The following DCDC2C variants were observed in gnomAD, a reference collection of about 807,000 sequenced individuals.
The protein encoded by DCDC2C is doublecortin domain containing 2C, also known as doublecortin domain-containing protein 2C.
In DCDC2C, 44 loss-of-function variants were observed where a neutral mutation model predicts 45.0. That is an observed-to-expected ratio of 0.98 (90% confidence interval 0.77 to 1.26). The LOEUF (loss-of-function observed/expected upper bound fraction) is 1.26, where lower values mean the gene tolerates loss of function less well. DCDC2C is among the 50% of genes most tolerant of loss of function. The pLI is 0.00. For missense variants in DCDC2C, 447 were observed against 468.9 expected (o/e 0.95, Z 0.43); for synonymous variants, 187 against 178.8 (o/e 1.05, Z -0.37).
rs117013170 is a variant in DCDC2C, at chr2:3,772,793, T to A, written c.954+3382T>A. Among the ~76,000 whole-genome samples the A allele has an allele frequency of 7.2e-5, 11 of 152,346 alleles. No homozygotes were observed. The East Asian group carries it at 1.2e-3, about 16-fold the overall frequency. On this transcript the variant is annotated intron_variant, in intron 8 of 10. Transcript: ENST00000399143. ...CTCCAGCTTCTGTCACCTGGGTCTC[T>A]ATCAACGGACACAGGGCTTTCTGCA...
chr2:3,798,248 T>C lies in DCDC2C; in HGVS notation c.1065+13148T>C, dbSNP rs879602927. Among the ~76,000 whole-genome samples, 326 of 152,280 alleles carry C rather than the reference T, an allele frequency of 2.1e-3. 2 individuals are homozygous for C. The highest frequency in any genetic ancestry group is 3.0e-3 in the Non-Finnish European group (201 of 68,036). ...GTAGATCTTCCTCCATCCTTTTGTT[T>C]TGAGCCTATGTGTGTCTCTGCACGT... On this transcript the variant is annotated intron_variant, in intron 10 of 10. Coordinates refer to ENST00000399143, the MANE Select transcript of DCDC2C (RefSeq NM_001287444.2).
intron 2 of DCDC2C, among the ~76,000 whole-genome samples, chr2:3,719,331 C>T (rs1016184102): frequency 5.9e-5 from 9 of 152,148 alleles, no homozygotes; most frequent in South Asian, 2.1e-4. Flanking sequence ...ATGATCTGCC[C>T]GCCTTGGCCT....
Position 3,703,984 on chromosome 2 carries a change from T to C in DCDC2C, c.233T>C (p.Leu78Pro), listed in dbSNP as rs1667952544. Reference sequence around the variant, plus strand: ...CACCGGGTGCTGGGGCTGGACGCGCTGCAGGCGGGCGGCAAGTACGTGGCG... The same window carrying C: ...CACCGGGTGCTGGGGCTGGACGCGCCGCAGGCGGGCGGCAAGTACGTGGCG... ...RGHRVLGLDALQAGGKYVAAG... is the reference protein window; with the variant it reads ...RGHRVLGLDAPQAGGKYVAAG... Residue 78 changes from leucine to proline, a missense_variant, in exon 1 of 11, where the codon CTG (leucine) becomes CCG (proline). Leu to Pro is a moderately conservative substitution (Grantham distance 98, BLOSUM62 -3). Coordinates refer to ENST00000399143, the MANE Select transcript of DCDC2C (RefSeq NM_001287444.2). This position sits in a 1 kb window ranked among gnomAD's most constrained non-coding sequence, Gnocchi z 4.4. 2.3e-6 allele frequency: 3 copies of C among 1,298,060 alleles called. No homozygotes were observed. The highest frequency in any genetic ancestry group is 2.9e-6 in the Non-Finnish European group (3 of 1,023,150). 80.4% of individuals were successfully genotyped at this position (1,298,060 alleles called of 1,614,324 possible).
intron 10 of DCDC2C, among the ~76,000 whole-genome samples, chr2:3,835,202 C>G (rs939055533): frequency 6.6e-6 from 1 of 152,174 alleles, no homozygotes; most frequent in African/African-American, 2.4e-5. Flanking sequence ...TAAAATCTTT[C>G]TAAGAAATGC....
intron 10 of DCDC2C, among the ~76,000 whole-genome samples, chr2:3,808,641 C>T (rs576011692): frequency 2.4e-4 from 37 of 152,340 alleles, no homozygotes; most frequent in African/African-American, 6.7e-4. Flanking sequence ...CTGCCTGCCT[C>T]GGCCTCCCAA....
At chr2:3,725,059 T>A (rs946191714) in intron 2 of DCDC2C, among the ~76,000 whole-genome samples, 1 of 152,084 alleles carries the variant, frequency 6.6e-6, no homozygotes, top group East Asian at 1.9e-4. Context: ...GGAGGCCCTA[T>A]TGACAGGTTC....
At chr2:3,725,745 G>T (rs1024018855) in intron 2 of DCDC2C, among the ~76,000 whole-genome samples, 3 of 87,500 alleles carry the variant, frequency 3.4e-5, no homozygotes, top group African/African-American at 1.3e-4. Flanking sequence ...GGATCCCGGA[G>T]AGAGACTGCC....
chr2:3,704,637 T>G (rs1185154045), intron 1 of DCDC2C, among the ~76,000 whole-genome samples: 1 of 3,612 alleles, frequency 2.8e-4, no homozygotes, highest in Non-Finnish European at 4.9e-4. Context: ...GGGGGAGGGG[T>G]GTGGAGAGGG....
intron 8 of DCDC2C, among the ~76,000 whole-genome samples, chr2:3,772,972 A>T (rs1481580914): frequency 6.6e-6 from 1 of 152,180 alleles, no homozygotes; most frequent in Non-Finnish European, 1.5e-5. Flanking sequence ...GAGAATCAAG[A>T]TTGGGGTTCT....
At chr2:3,829,896 C>T (rs1671911665) in intron 10 of DCDC2C, among the ~76,000 whole-genome samples, 1 of 152,160 alleles carries the variant, frequency 6.6e-6, no homozygotes, top group Admixed American at 6.5e-5. Context: ...CAGTTATTGA[C>T]ACATAATGTG....
chr2:3,735,986 A>G (rs568716004), intron 3 of DCDC2C, among the ~76,000 whole-genome samples: 1 of 152,268 alleles, frequency 6.6e-6, no homozygotes, highest in South Asian at 2.1e-4. Context: ...GGGGCATGGA[A>G]GGATCTATTT....
At chr2:3,758,760 C>A (rs183240396) in intron 6 of DCDC2C, among the ~76,000 whole-genome samples, 1 of 152,196 alleles carries the variant, frequency 6.6e-6, no homozygotes, top group South Asian at 2.1e-4. Context: ...CTGTGTTCAG[C>A]GGAAGGTTCG....
intron 3 of DCDC2C, among the ~76,000 whole-genome samples, chr2:3,739,731 C>T (rs1669147211): frequency 6.6e-6 from 1 of 152,256 alleles, no homozygotes; most frequent in Non-Finnish European, 1.5e-5. Flanking sequence ...TCCAGTTGTT[C>T]TGGTACACCA....
chr2:3,791,034 C>T (rs971773604), intron 10 of DCDC2C, among the ~76,000 whole-genome samples: 8 of 152,048 alleles, frequency 5.3e-5, no homozygotes, highest in Admixed American at 2.0e-4. Flanking sequence ...GGCGTGAACC[C>T]GCGAGGCAGA....
At chr2:3,779,277 C>T (rs111554524) in intron 9 of DCDC2C, among the ~76,000 whole-genome samples, 11,579 of 152,204 alleles carry the variant, frequency 0.076, 564 homozygotes, top group East Asian at 0.24. Flanking sequence ...TAGTTTGTGG[C>T]GTGGTGTCAG....
intron 4 of DCDC2C, among the ~76,000 whole-genome samples, chr2:3,745,603 G>A (rs1426799770): frequency 6.6e-6 from 1 of 152,154 alleles, no homozygotes; most frequent in Non-Finnish European, 1.5e-5. Context: ...TACAGCTACT[G>A]TTTCTCATGC....
At chr2:3,845,080 G>A (rs1312312447) in intron 10 of DCDC2C, among the ~76,000 whole-genome samples, 1 of 152,048 alleles carries the variant, frequency 6.6e-6, no homozygotes, top group Admixed American at 6.6e-5. Flanking sequence ...GTACATTTTT[G>A]GTGGCTAAGC....
chr2:3,754,999 A>G (rs895537772), intron 6 of DCDC2C, among the ~76,000 whole-genome samples: 12 of 152,188 alleles, frequency 7.9e-5, no homozygotes, highest in Non-Finnish European at 1.5e-4. Context: ...GGGTGGGAGG[A>G]GGACATTCCA....
chr2:3,769,099 G>A (rs1026683736), intron 7 of DCDC2C: 18 of 511,708 alleles, frequency 3.5e-5, no homozygotes, highest in Non-Finnish European at 5.7e-5. Flanking sequence ...GGCTAAAATC[G>A]AGGCCACCAC....
Sources: gnomAD v4.1 joint callset for allele counts (sites outside exome capture counted in the v4.1 genomes callset) on GRCh38, gnomAD v4.1.1 for gene constraint, Gnocchi (gnomAD v3.1) non-coding constraint, MANE v1.5 for transcripts, NCBI Gene and HGNC (gene_info 2026-07-23, HGNC 2026-07-21) for gene names.